ZDHHC11B: variants seen among roughly 807,000 people sequenced by gnomAD.
ZDHHC11B encodes zDHHC palmitoyltransferase 11B (putative).
ZDHHC11B carries 17 observed loss-of-function variants against 42.3 expected under a neutral mutation model. The observed-to-expected ratio is 0.40, with a 90% confidence interval of 0.27 to 0.60. The LOEUF (loss-of-function observed/expected upper bound fraction) is 0.60, where lower values mean the gene tolerates loss of function less well. ZDHHC11B is among the 20% of genes least tolerant of loss of function. ZDHHC11B has a pLI of 0.41. For synonymous variants in ZDHHC11B, 123 were observed against 193.5 expected (o/e 0.64, Z 3.02); for missense variants, 262 against 463.2 (o/e 0.57, Z 3.99).
intron 6 of ZDHHC11B, among the ~76,000 whole-genome samples, chr5:751,608 C>T (rs1202629461): frequency 8.0e-6 from 1 of 124,642 alleles, no homozygotes. Context: ...GCATCTGGAG[C>T]CCGCAGGGTG....
chr5:774,445 G>A (rs1211546930), intron 1 of ZDHHC11B, among the ~76,000 whole-genome samples: 1 of 151,784 alleles, frequency 6.6e-6, no homozygotes, highest in Non-Finnish European at 1.5e-5. Flanking sequence ...TTCTCACTAG[G>A]ACCAGGGGCC....
chr5:776,603 G>A (rs1440753836), intron 1 of ZDHHC11B, among the ~76,000 whole-genome samples: 1 of 151,854 alleles, frequency 6.6e-6, no homozygotes, highest in Non-Finnish European at 1.5e-5. Context: ...GCTGGTGAAT[G>A]GGACAGCAAC....
chr5:720,697 T>C (rs1742117452), intron 12 of ZDHHC11B, among the ~76,000 whole-genome samples: 1 of 151,804 alleles, frequency 6.6e-6, no homozygotes, highest in Non-Finnish European at 1.5e-5. Flanking sequence ...GTCTAATGCA[T>C]AATACAATAA....
chr5:766,210 G>C (rs1735329157), intron 4 of ZDHHC11B, among the ~76,000 whole-genome samples: 1 of 151,934 alleles, frequency 6.6e-6, no homozygotes, highest in Non-Finnish European at 1.5e-5. Flanking sequence ...CCGCCTGATG[G>C]GAGGTGAGAG....
At chr5:751,788 G>A (rs1303608212) in intron 6 of ZDHHC11B, among the ~76,000 whole-genome samples, 8 of 124,620 alleles carry the variant, frequency 6.4e-5, no homozygotes, top group Non-Finnish European at 1.8e-5. Flanking sequence ...AGGGGTGGCC[G>A]TGGGACATTC....
At chr5:759,500 G>A (rs1325329395) in intron 4 of ZDHHC11B, among the ~76,000 whole-genome samples, 4 of 151,990 alleles carry the variant, frequency 2.6e-5, no homozygotes, top group African/African-American at 9.7e-5. Flanking sequence ...GCCACAGCAA[G>A]GAGCTTTGCT....
At chr5:748,284 A>C in intron 8 of ZDHHC11B, 120 bp downstream of exon 8, 2 of 805,910 alleles carry the variant, frequency 2.5e-6, no homozygotes, top group Non-Finnish European at 1.9e-6. Flanking sequence ...CGGGGGACAA[A>C]GACTCTGGCC....
intron 12 of ZDHHC11B, among the ~76,000 whole-genome samples, chr5:724,277 C>T (rs1301241773): frequency 8.7e-5 from 13 of 149,522 alleles, no homozygotes; most frequent in South Asian, 2.1e-4. Context: ...ACGATCTTGG[C>T]TCACTGCAAC....
chr5:771,382 C>T (rs1736020742), intron 1 of ZDHHC11B, among the ~76,000 whole-genome samples: 1 of 151,646 alleles, frequency 6.6e-6, no homozygotes, highest in African/African-American at 2.4e-5. Context: ...TGGAAGACAC[C>T]AAAAATGCAG....
At chr5:773,964 G>A (rs1403639659) in intron 1 of ZDHHC11B, among the ~76,000 whole-genome samples, 4 of 151,936 alleles carry the variant, frequency 2.6e-5, no homozygotes, top group African/African-American at 9.7e-5. Context: ...GGCAGAGGTG[G>A]CACCACAGAC....
chr5:721,035 C>G (rs1742141786), intron 12 of ZDHHC11B, among the ~76,000 whole-genome samples: 1 of 151,698 alleles, frequency 6.6e-6, no homozygotes, highest in Non-Finnish European at 1.5e-5. Flanking sequence ...TGCTTGAGCC[C>G]AGGAGTAGGA....
intron 9 of ZDHHC11B, among the ~76,000 whole-genome samples, chr5:742,293 T>C (rs994968841): frequency 7.0e-6 from 1 of 143,862 alleles, no homozygotes; most frequent in Non-Finnish European, 1.5e-5. Context: ...CTCTTGCCCA[T>C]TTGAAAAACT....
At chr5:766,298 G>A (rs1473520883) in intron 4 of ZDHHC11B, among the ~76,000 whole-genome samples, 3 of 73,982 alleles carry the variant, frequency 4.1e-5, no homozygotes, top group East Asian at 5.2e-4. Context: ...GAGCAGACCC[G>A]GGACCCCTGC....
intron 1 of ZDHHC11B, among the ~76,000 whole-genome samples, chr5:776,690 G>A (rs542495402): frequency 5.1e-4 from 78 of 151,998 alleles, no homozygotes; most frequent in African/African-American, 1.7e-3. Context: ...GAGCCCCTGT[G>A]GAGCTCACCC....
At chr5:729,026 A>C (rs1742804682) in intron 12 of ZDHHC11B, among the ~76,000 whole-genome samples, 1 of 151,624 alleles carries the variant, frequency 6.6e-6, no homozygotes, top group Non-Finnish European at 1.5e-5. Context: ...AAAAAAAAAA[A>C]ATGTTGCTCC....
rs530900957 is a variant in ZDHHC11B at position 780,979 on chromosome 5, G to A, written c.-230+3689C>T. ...TGGGAGATGCAGGTGGCTGTGCAGCGGTGCCCTGGGCTCAGGGGGAGGGGC... is the reference window on the plus strand; with the variant it reads ...TGGGAGATGCAGGTGGCTGTGCAGCAGTGCCCTGGGCTCAGGGGGAGGGGC... On this transcript the variant is annotated intron_variant, in intron 1 of 13. Coordinates refer to ENST00000508859, the MANE Select transcript of ZDHHC11B (RefSeq NM_001351303.2). Among the ~76,000 whole-genome samples the A allele has an allele frequency of 8.1e-5, 12 of 147,762 alleles. No individual in the cohort carries two copies. The East Asian group carries it at 1.7e-3, about 21-fold the overall frequency.
intron 1 of ZDHHC11B, among the ~76,000 whole-genome samples, chr5:774,593 G>A (rs1579456315): frequency 1.8e-5 from 1 of 54,974 alleles, no homozygotes; most frequent in East Asian, 6.7e-4. Context: ...ACTAGGGCCA[G>A]GGGTCTGCCC....
intron 13 of ZDHHC11B, among the ~76,000 whole-genome samples, chr5:713,442 A>T (rs1648607082): frequency 6.6e-6 from 1 of 151,928 alleles, no homozygotes; most frequent in South Asian, 2.1e-4. Context: ...TGAAATATTT[A>T]TGTCTGTTTC....
At chr5:776,111 C>A (rs1194844148) in intron 1 of ZDHHC11B, among the ~76,000 whole-genome samples, 1 of 150,436 alleles carries the variant, frequency 6.6e-6, no homozygotes, top group Non-Finnish European at 1.5e-5. Flanking sequence ...CCACCCCAGG[C>A]TGGCTGCCAT....
Sources: allele counts gnomAD v4.1 joint callset (sites outside exome capture counted in the v4.1 genomes callset), GRCh38; gene constraint gnomAD v4.1.1; transcripts MANE v1.5; gene names NCBI Gene and HGNC (gene_info 2026-07-23, HGNC 2026-07-21).